NAALADL2: variants seen among roughly 807,000 people sequenced by gnomAD.
NAALADL2 encodes the protein inactive N-acetylated-alpha-linked acidic dipeptidase-like protein 2.
Under a neutral mutation model 87.2 loss-of-function variants are expected in NAALADL2, and 76 were observed. The ratio of observed to expected loss-of-function variants is 0.87; its 90% CI spans 0.72 to 1.05. The LOEUF (loss-of-function observed/expected upper bound fraction) is 1.05. Among genes scored for constraint, NAALADL2 ranks in the 50% least tolerant of loss-of-function variants. The pLI is 0.00. For missense variants in NAALADL2, 1,089 were observed against 945.8 expected (o/e 1.15, Z -1.99); for synonymous variants, 354 against 331.0 (o/e 1.07, Z -0.75).
At chr3:175,287,701 A>G (rs886370844) in intron 4 of NAALADL2, among the ~76,000 whole-genome samples, 2 of 152,182 alleles carry the variant, frequency 1.3e-5, no homozygotes, top group Non-Finnish European at 2.9e-5. Context: ...CTGGTATTGC[A>G]AGTCTCCGTC....
intron 1 of NAALADL2, among the ~76,000 whole-genome samples, chr3:174,940,825 A>G (rs1049899428): frequency 4.6e-5 from 7 of 151,892 alleles, no homozygotes; most frequent in African/African-American, 1.4e-4. Context: ...GTAGTTTCTG[A>G]TGGTTGTATT....
intron 13 of NAALADL2, among the ~76,000 whole-genome samples, chr3:175,799,277 G>T (rs151020451): frequency 5.0e-4 from 76 of 152,126 alleles, no homozygotes; most frequent in African/African-American, 1.8e-3. Flanking sequence ...TTTAATTATA[G>T]TAGTTTATTC....
At chr3:175,335,755 A>G (rs953216516) in intron 5 of NAALADL2, among the ~76,000 whole-genome samples, 6 of 152,172 alleles carry the variant, frequency 3.9e-5, no homozygotes, top group East Asian at 1.9e-4. Flanking sequence ...TTATTTGCCT[A>G]TCAACAGCCA....
chr3:175,227,538 A>G (rs548925650), intron 2 of NAALADL2, among the ~76,000 whole-genome samples: 2 of 152,178 alleles, frequency 1.3e-5, no homozygotes, highest in South Asian at 4.1e-4. Context: ...TGAAATTAGT[A>G]AACTTAGATT....
chr3:174,749,255 T>G (rs1410824359), intron 3 of NAALADL2, among the ~76,000 whole-genome samples: 1 of 152,164 alleles, frequency 6.6e-6, no homozygotes. Flanking sequence ...TAGCATCTGT[T>G]TTGTAATCAT....
At chr3:175,596,300 G>A (rs1206121981) in intron 10 of NAALADL2, among the ~76,000 whole-genome samples, 1 of 151,844 alleles carries the variant, frequency 6.6e-6, no homozygotes, top group African/African-American at 2.4e-5. Context: ...ATTTGCTATG[G>A]TTCCAGATGG....
In NAALADL2 at chr3:174,679,498, A is replaced by G. The variant is rs1414804067; in HGVS notation, c.-114-58143A>G. Reference sequence around the variant, plus strand: ...TAATGACTCCAACATTAAATTATGTATGTGGGTTACATCTGTGGCTCACAT... The same window carrying G: ...TAATGACTCCAACATTAAATTATGTGTGTGGGTTACATCTGTGGCTCACAT... On this transcript the variant is annotated intron_variant, in intron 2 of 3. Transcript: ENST00000434257. Among the ~76,000 whole-genome samples, 4 of 152,192 alleles carry G rather than the reference A, an allele frequency of 2.6e-5. No homozygotes were observed. In the East Asian group the frequency reaches 7.7e-4, roughly 29 times the overall value.
At chr3:174,952,133 C>G (rs142577802) in intron 1 of NAALADL2, among the ~76,000 whole-genome samples, 2 of 152,124 alleles carry the variant, frequency 1.3e-5, no homozygotes, top group Non-Finnish European at 2.9e-5. Context: ...TCTCCAGACC[C>G]GTCAGATCCT....
intron 9 of NAALADL2, among the ~76,000 whole-genome samples, chr3:175,529,407 A>G (rs936050702): frequency 1.3e-5 from 2 of 152,118 alleles, no homozygotes; most frequent in Admixed American, 1.3e-4. Flanking sequence ...CAGGAAGCAA[A>G]CAGTTTACTA....
At chr3:175,373,178 T>G (rs1766706412) in intron 5 of NAALADL2, among the ~76,000 whole-genome samples, 2 of 152,020 alleles carry the variant, frequency 1.3e-5, no homozygotes. Flanking sequence ...AGAAGTAACT[T>G]AAATATAAAA....
intron 1 of NAALADL2, among the ~76,000 whole-genome samples, chr3:175,058,943 G>T (rs1712830424): frequency 6.6e-6 from 1 of 152,120 alleles, no homozygotes; most frequent in South Asian, 2.1e-4. Context: ...TACTAGTCTT[G>T]ACTGAAAAAG....
intron 11 of NAALADL2, among the ~76,000 whole-genome samples, chr3:175,697,041 G>A (rs1032443495): frequency 1.3e-5 from 2 of 152,122 alleles, no homozygotes; most frequent in African/African-American, 4.8e-5. Flanking sequence ...ATTTCAGCAT[G>A]AGTTTGGAGG....
intron 4 of NAALADL2, among the ~76,000 whole-genome samples, chr3:175,268,604 T>C (rs550186816): frequency 6.6e-6 from 1 of 152,294 alleles, no homozygotes; most frequent in African/African-American, 2.4e-5. Flanking sequence ...GTTCAACTCT[T>C]GTAATTAACA....
At chr3:174,790,339 A>G (rs1717307746) in intron 3 of NAALADL2, among the ~76,000 whole-genome samples, 1 of 152,148 alleles carries the variant, frequency 6.6e-6, no homozygotes, top group South Asian at 2.1e-4. Flanking sequence ...TGCCTTTTTA[A>G]AAAGAATGAT....
At chr3:175,052,705 T>C (rs1755576194) in intron 1 of NAALADL2, among the ~76,000 whole-genome samples, 1 of 152,184 alleles carries the variant, frequency 6.6e-6, no homozygotes, top group Admixed American at 6.5e-5. Flanking sequence ...AAAAACAAGT[T>C]TGTAGAGTGT....
intron 5 of NAALADL2, among the ~76,000 whole-genome samples, chr3:175,398,209 G>A (rs1375517095): frequency 6.6e-6 from 1 of 151,990 alleles, no homozygotes; most frequent in African/African-American, 2.4e-5. Flanking sequence ...ATTTCCTGGT[G>A]AAAGAACAAG....
intron 2 of NAALADL2, among the ~76,000 whole-genome samples, chr3:174,573,905 G>A (rs1355579388): frequency 2.0e-5 from 3 of 152,032 alleles, no homozygotes; most frequent in Non-Finnish European, 2.9e-5. Flanking sequence ...CATAGCACCC[G>A]CCATAGCTAA....
chr3:174,668,853 G>A (rs1726233729), intron 2 of NAALADL2, among the ~76,000 whole-genome samples: 1 of 152,144 alleles, frequency 6.6e-6, no homozygotes, highest in African/African-American at 2.4e-5. Flanking sequence ...CCAAGTCTTT[G>A]CTATTATGAA....
rs1257877595 is a variant in NAALADL2 at position 175,698,421 on chromosome 3, A to ATATT, written c.1897-38882_1897-38881insTTAT. 1.2e-4 allele frequency among the ~76,000 whole-genome samples: 6 copies of ATATT among 50,696 alleles called. No individual in the cohort carries two copies. The African/African-American group carries it at 2.1e-3, about 17-fold the overall frequency. The allele number at this position is 50,696 out of a possible 152,430, so 33.3% of individuals were successfully genotyped here. On this transcript the variant is annotated intron_variant, in intron 11 of 13. Coordinates refer to ENST00000454872, the MANE Select transcript of NAALADL2 (RefSeq NM_207015.3). ...TGTATGTGTATTTATGTATGTATACATATGTATGTGTATATATTTATGTAT... is the reference window on the plus strand; with the variant it reads ...TGTATGTGTATTTATGTATGTATACATATTTATGTATGTGTATATATTTATGTAT...
Sources: allele counts gnomAD v4.1 joint callset (sites outside exome capture counted in the v4.1 genomes callset), GRCh38; gene constraint gnomAD v4.1.1; transcripts MANE v1.5; gene names NCBI Gene and HGNC (gene_info 2026-07-23, HGNC 2026-07-21).